OTULIN: variants seen among roughly 807,000 people sequenced by gnomAD.
OTULIN encodes ubiquitin thioesterase otulin.
Under a neutral mutation model 39.6 loss-of-function variants are expected in OTULIN, and 15 were observed. The observed-to-expected ratio is 0.38, with a 90% CI of 0.25 to 0.58. OTULIN has a LOEUF of 0.58. OTULIN is among the 20% of genes least tolerant of loss of function. OTULIN has a pLI of 0.66. For missense variants in OTULIN, 319 were observed against 445.9 expected (o/e 0.72, Z 2.56); for synonymous variants, 156 against 170.3 (o/e 0.92, Z 0.65).
rs199656228 is a variant in OTULIN at position 14,664,886 on chromosome 5, C to CCGGCGCGGGAGGCGGCGGCCA, written c.72_92dup (p.Glu24_Arg30dup). The CCGGCGCGGGAGGCGGCGGCCA allele has an allele frequency of 8.4e-7, 1 of 1,190,118 alleles. No individual in the cohort carries two copies. The highest frequency in any genetic ancestry group is 1.0e-6 in the Non-Finnish European group (1 of 961,724). The allele number at this position is 1,190,118 out of a possible 1,614,324, so 73.7% of individuals were successfully genotyped here. A position where few individuals can be genotyped will look rare whatever the true frequency, so the allele number is the denominator to read the frequency against. ...GCCAGGCGCGAGCTGCGCCGAGACG[C>CCGGCGCGGGAGGCGGCGGCCA]CGGCGCGGGAGGCGGCGGCCACGGC... On this transcript the variant is annotated inframe_insertion, in exon 1 of 7. Transcript: ENST00000284274.
Position 14,681,580 on chromosome 5 carries a change from C to G in OTULIN, c.441C>G (p.Pro147=). 6.2e-7 allele frequency: 1 copy of G among 1,613,972 alleles called. No individual in the cohort carries two copies. Among genetic ancestry groups the G allele is most frequent in the Non-Finnish European group, 8.5e-7 (1 of 1,180,004 alleles). ...QAMSQAVGLP[P]WLQDPELMLL... ...TGAGCCAGGCTGTGGGGCTGCCGCC[C>G]TGGCTGCAGGACCCGGAGCTCATGC... Residue 147 remains proline (P), a synonymous_variant, in exon 4 of 7, where the codon CCC becomes CCG. Transcript: ENST00000284274.
At chr5:14,713,074 T>G in the OTULIN span, 1 of 1,165,346 alleles carries the variant, frequency 8.6e-7, no homozygotes, top group East Asian at 2.6e-5. The surrounding 1 kb of genome is among the most constrained non-coding windows in gnomAD (Gnocchi z 4.4). Context: ...TCGAGACGGC[T>G]GAGACCAGCG....
At chr5:14,711,281 C>G in the OTULIN span, 1 of 1,614,136 alleles carries the variant, frequency 6.2e-7, no homozygotes, top group East Asian at 2.2e-5. Context: ...CTTCCCCCTC[C>G]GTGGCCGACT....
At chr5:14,711,026 T>C in the OTULIN span, 3 of 680,760 alleles carry the variant, frequency 4.4e-6, no homozygotes, top group Non-Finnish European at 8.0e-6. Context: ...CCCGTCAGTG[T>C]GAGCATACCC....
chr5:14,712,840 A>G, the OTULIN span: 11 of 1,564,306 alleles, frequency 7.0e-6, no homozygotes, highest in Admixed American at 1.1e-4. Flanking sequence ...AGGAGGATGC[A>G]CCCGGGAGGA....
intron 4 of OTULIN, among the ~76,000 whole-genome samples, chr5:14,685,757 G>A (rs1036827833): frequency 1.3e-5 from 2 of 150,674 alleles, no homozygotes; most frequent in African/African-American, 2.4e-5. Context: ...ATGCTCAGCC[G>A]GTCTTCTGGG....
intron 6 of OTULIN, 62 bp from the exon 7 acceptor site, chr5:14,692,792 G>T: frequency 6.8e-7 from 1 of 1,467,816 alleles, no homozygotes; most frequent in East Asian, 2.3e-5. Context: ...GATGGAACAT[G>T]GTGTTAAGCC....
intron 1 of OTULIN, among the ~76,000 whole-genome samples, chr5:14,667,588 C>A (rs760151672): frequency 6.6e-6 from 1 of 152,156 alleles, no homozygotes; most frequent in Non-Finnish European, 1.5e-5. Context: ...TGGCCCAGGC[C>A]GGTCTCTACC....
intron 4 of OTULIN, among the ~76,000 whole-genome samples, chr5:14,687,072 T>C (rs1302369328): frequency 6.6e-6 from 1 of 152,254 alleles, no homozygotes; most frequent in African/African-American, 2.4e-5. Flanking sequence ...AAACTAGGTT[T>C]TATTTTTCTT....
rs372608903 is a variant in OTULIN at position 14,694,445 on chromosome 5, A to C, written c.*1397A>C. ...TACTGGCAGCCCCTGAATTGGCTCA[A>C]CGTTTGTGGAGGTGGTATTTCCCTG... On this transcript the variant is annotated 3_prime_UTR_variant, in exon 7 of 7. Transcript: ENST00000284274. 1.3e-5 allele frequency: 2 copies of C among 152,232 alleles called. No individual in the cohort carries two copies. Among genetic ancestry groups the C allele is most frequent in the African/African-American group, 4.8e-5 (2 of 41,466 alleles). The allele number at this position is 152,232 out of a possible 1,614,324, so 9.4% of individuals were successfully genotyped here. A position where few individuals can be genotyped will look rare whatever the true frequency, so the allele number is the denominator to read the frequency against.
At chr5:14,711,174 C>T in the OTULIN span, 13 of 1,567,256 alleles carry the variant, frequency 8.3e-6, no homozygotes, top group Non-Finnish European at 1.1e-5. Flanking sequence ...ACTGTCCCTG[C>T]AGTGCCCATG....
intron 2 of OTULIN, among the ~76,000 whole-genome samples, chr5:14,674,322 C>T (rs575535311): frequency 2.0e-5 from 3 of 152,330 alleles, no homozygotes; most frequent in African/African-American, 7.2e-5. Flanking sequence ...ATCCTTAGTT[C>T]CCTGAGTGGC....
chr5:14,713,919 C>T, the OTULIN span, among the ~76,000 whole-genome samples: 2 of 152,262 alleles, frequency 1.3e-5, no homozygotes, highest in African/African-American at 2.4e-5. The surrounding 1 kb of genome is among the most constrained non-coding windows in gnomAD (Gnocchi z 4.4). Context: ...CTCCTTTCTC[C>T]ACTGGGACAG....
At chr5:14,704,583 T>G (rs1736885035), downstream of OTULIN, among the ~76,000 whole-genome samples, 1 of 152,158 alleles carries the variant, frequency 6.6e-6, no homozygotes, top group Non-Finnish European at 1.5e-5. Flanking sequence ...GAATAAAATC[T>G]GAAGAAATAG....
At position 14,697,663 on chromosome 5, in the gene OTULIN, G is replaced by A. The variant is rs1736705561; in HGVS notation, c.*4615G>A. On this transcript the variant is annotated 3_prime_UTR_variant, in exon 7 of 7. Coordinates refer to ENST00000284274, the MANE Select transcript of OTULIN (RefSeq NM_138348.6). The stretch of plus-strand genomic sequence containing the variant: ...GTGGTCCCAGACCTCATGGCCACCA[G>A]TTTGTTTAAGCATTGTGAATGCTTT... 1 of 152,162 alleles carries A rather than the reference G, an allele frequency of 6.6e-6. No individual in the cohort carries two copies. The allele number at this position is 152,162 out of a possible 1,614,324, so 9.4% of individuals were successfully genotyped here.
At chr5:14,669,898 C>T (rs1579959498) in intron 1 of OTULIN, among the ~76,000 whole-genome samples, 1 of 152,210 alleles carries the variant, frequency 6.6e-6, no homozygotes, top group East Asian at 1.9e-4. Context: ...TCCATCATCT[C>T]AAACATTTAT....
intron 1 of OTULIN, among the ~76,000 whole-genome samples, chr5:14,670,478 C>G (rs1329968164): frequency 1.3e-5 from 2 of 152,144 alleles, no homozygotes; most frequent in East Asian, 3.8e-4. Context: ...TTTCTGTTTG[C>G]TTATCTTTCT....
downstream of OTULIN, among the ~76,000 whole-genome samples, chr5:14,703,306 C>G (rs984729614): frequency 7.2e-6 from 1 of 139,450 alleles, no homozygotes; most frequent in African/African-American, 2.8e-5. Flanking sequence ...TGCACCTTAG[C>G]ATTACCTTTA....
chr5:14,692,110 C>T (rs780065803), intron 6 of OTULIN, among the ~76,000 whole-genome samples: 9 of 152,018 alleles, frequency 5.9e-5, no homozygotes, highest in Non-Finnish European at 1.2e-4. Context: ...GGGTATACAC[C>T]GAGGAGTGGA....
Sources: gnomAD v4.1 joint callset for allele counts (sites outside exome capture counted in the v4.1 genomes callset) on GRCh38, gnomAD v4.1.1 for gene constraint, Gnocchi (gnomAD v3.1) non-coding constraint, MANE v1.5 for transcripts, NCBI Gene and HGNC (gene_info 2026-07-23, HGNC 2026-07-21) for gene names.